GRIA4: variants seen among roughly 807,000 people sequenced by gnomAD.
GRIA4 encodes the protein glutamate receptor 4.
GRIA4 carries 34 observed loss-of-function variants against 104.0 expected under a neutral mutation model. That is an observed-to-expected ratio of 0.33 (90% CI 0.25 to 0.44). The LOEUF is 0.44. Ranked by LOEUF, GRIA4 falls within the 20% of genes least tolerant of loss-of-function variation. The probability of loss-of-function intolerance (pLI) is 1.00; values close to 1 mark genes in which losing one functional copy is unlikely to be tolerated. For synonymous variants in GRIA4, 386 were observed against 381.9 expected, an observed-to-expected ratio of 1.01 and a Z score of -0.13; for missense variants, 750 against 1,096.5, an observed-to-expected ratio of 0.68 and a Z score of 4.46.
chr11:105,859,142 A>C (rs1224191254), intron 4 of GRIA4, among the ~76,000 whole-genome samples: 2 of 152,180 alleles, frequency 1.3e-5, no homozygotes, highest in African/African-American at 4.8e-5. Context: ...ATTTTATCCT[A>C]GTTACAATAT....
intron 4 of GRIA4, among the ~76,000 whole-genome samples, chr11:105,805,758 T>C (rs1476413005): frequency 6.6e-6 from 1 of 151,912 alleles, no homozygotes; most frequent in Non-Finnish European, 1.5e-5. Context: ...AGTAAGGATT[T>C]ATGAAATTTT....
intron 4 of GRIA4, among the ~76,000 whole-genome samples, chr11:105,758,010 G>A (rs542236302): frequency 5.9e-5 from 9 of 152,220 alleles, no homozygotes; most frequent in African/African-American, 7.2e-5. Context: ...TTAGGAGGAC[G>A]AAGTGGGAGG....
intron 14 of GRIA4, among the ~76,000 whole-genome samples, chr11:105,936,758 G>A (rs1948050870): frequency 6.6e-6 from 1 of 152,138 alleles, no homozygotes; most frequent in Admixed American, 6.6e-5. Flanking sequence ...AATGCAATAA[G>A]GATCATCTCA....
intron 3 of GRIA4, among the ~76,000 whole-genome samples, chr11:105,732,266 T>C (rs1004824964): frequency 1.3e-4 from 20 of 152,166 alleles, no homozygotes; most frequent in Non-Finnish European, 1.6e-4. Context: ...TGCTAGCTTC[T>C]AGAAGTGGCC....
chr11:105,955,706 C>G (rs1374334298), intron 14 of GRIA4, among the ~76,000 whole-genome samples: 1 of 152,172 alleles, frequency 6.6e-6, no homozygotes, highest in African/African-American at 2.4e-5. Flanking sequence ...TTGTCTTCCA[C>G]AATGGTTAGA....
intron 14 of GRIA4, among the ~76,000 whole-genome samples, chr11:105,947,878 T>A (rs529050930): frequency 6.6e-6 from 1 of 152,354 alleles, no homozygotes; most frequent in Non-Finnish European, 1.5e-5. Flanking sequence ...GAAATATGAC[T>A]ATAAGCCCTG....
At chr11:105,834,464 TA>T (rs1251529366) in intron 4 of GRIA4, among the ~76,000 whole-genome samples, 1 of 152,066 alleles carries the variant, frequency 6.6e-6, no homozygotes, top group Non-Finnish European at 1.5e-5. Context: ...ACAGCCTCAC[TA>T]AACAGAGTGT....
intron 3 of GRIA4, among the ~76,000 whole-genome samples, chr11:105,648,827 T>C (rs1951606578): frequency 6.6e-6 from 1 of 152,238 alleles, no homozygotes. Context: ...TTGCCATTAC[T>C]TTTAATGACC....
At chr11:105,969,729 G>C (rs2212469) in intron 14 of GRIA4, among the ~76,000 whole-genome samples, 9,112 of 152,166 alleles carry the variant, frequency 0.06, 421 homozygotes, top group African/African-American at 0.12. Context: ...TGTTACAAAG[G>C]CTTTGGGGAG....
At chr11:105,901,882 T>C (rs1002904748) in intron 7 of GRIA4, among the ~76,000 whole-genome samples, 1 of 152,332 alleles carries the variant, frequency 6.6e-6, no homozygotes, top group Middle Eastern at 3.4e-3. Flanking sequence ...GTACTAGCAT[T>C]GCATTTTTCT....
chr11:105,911,740 T>C (rs1469765066), intron 10 of GRIA4: 1 of 166,642 alleles, frequency 6.0e-6, no homozygotes, highest in Non-Finnish European at 1.2e-5. Flanking sequence ...ACTTTCTAAC[T>C]TAATTGTGTA....
intron 3 of GRIA4, among the ~76,000 whole-genome samples, chr11:105,657,026 G>T (rs1951864714): frequency 7.5e-6 from 1 of 133,440 alleles, no homozygotes; most frequent in Non-Finnish European, 1.6e-5. Flanking sequence ...ATAAAGATGG[G>T]TTTATTGCTC....
chr11:105,747,876 C>T (rs757459751), intron 3 of GRIA4, among the ~76,000 whole-genome samples: 86 of 152,264 alleles, frequency 5.6e-4, no homozygotes, highest in Non-Finnish European at 7.8e-4. Flanking sequence ...TTAAGCTCAA[C>T]CAAAATGCTC....
At chr11:105,820,277 C>T (rs2135899540) in intron 4 of GRIA4, among the ~76,000 whole-genome samples, 1 of 152,196 alleles carries the variant, frequency 6.6e-6, no homozygotes, top group Non-Finnish European at 1.5e-5. Context: ...AGTAAGATCA[C>T]ACAACTAGTA....
chr11:105,805,233 G>A (rs531302627), intron 4 of GRIA4, among the ~76,000 whole-genome samples: 1 of 151,694 alleles, frequency 6.6e-6, no homozygotes, highest in African/African-American at 2.4e-5. Flanking sequence ...TCAGAGTACT[G>A]TTCTACAGAC....
At chr11:105,977,242 G>T (rs893246874) in intron 16 of GRIA4, among the ~76,000 whole-genome samples, 1 of 151,958 alleles carries the variant, frequency 6.6e-6, no homozygotes, top group Non-Finnish European at 1.5e-5. Flanking sequence ...GGAATCTAAG[G>T]AAACATATTC....
At chr11:105,683,871 T>C (rs1474933206) in intron 3 of GRIA4, among the ~76,000 whole-genome samples, 2 of 151,838 alleles carry the variant, frequency 1.3e-5, no homozygotes, top group Non-Finnish European at 2.9e-5. Context: ...ATAGAAAAAA[T>C]AGAAATAAAT....
intron 3 of GRIA4, among the ~76,000 whole-genome samples, chr11:105,654,030 A>G (rs1951768389): frequency 6.7e-6 from 1 of 148,994 alleles, no homozygotes; most frequent in Non-Finnish European, 1.5e-5. Context: ...AAAAAAAAGA[A>G]AACAAAAAAG....
intron 4 of GRIA4, among the ~76,000 whole-genome samples, chr11:105,755,621 A>C (rs1050931909): frequency 1.3e-5 from 2 of 152,202 alleles, no homozygotes; most frequent in African/African-American, 4.8e-5. Context: ...AGGGATGCCT[A>C]GATAGCTAGT....
Sources: allele counts gnomAD v4.1 joint callset (sites outside exome capture counted in the v4.1 genomes callset), GRCh38; gene constraint gnomAD v4.1.1; transcripts MANE v1.5; gene names NCBI Gene and HGNC (gene_info 2026-07-23, HGNC 2026-07-21).